The following HEMK2 variants were observed in gnomAD, a reference collection of about 807,000 sequenced individuals.
The protein encoded by HEMK2 is HemK methyltransferase 2, ETF1 glutamine and histone H4 lysine, also known as methyltransferase HEMK2.
chr21:28,601,531 T>C, the HEMK2 span, among the ~76,000 whole-genome samples: 1 of 151,704 alleles, frequency 6.6e-6, no homozygotes, highest in Non-Finnish European at 1.5e-5. Context: ...CTACACCCAC[T>C]TCACCGCCTG....
At chr21:28,793,527 A>C in the HEMK2 span, among the ~76,000 whole-genome samples, 1 of 152,220 alleles carries the variant, frequency 6.6e-6, no homozygotes. Context: ...GATAAAAGTA[A>C]GTGGTTATTA....
chr21:28,609,792 T>A, the HEMK2 span, among the ~76,000 whole-genome samples: 1 of 151,888 alleles, frequency 6.6e-6, no homozygotes, highest in Non-Finnish European at 1.5e-5. Flanking sequence ...AGCAATAGAA[T>A]AGAACAAGGA....
At chr21:28,785,837 C>T in the HEMK2 span, among the ~76,000 whole-genome samples, 18 of 152,324 alleles carry the variant, frequency 1.2e-4, no homozygotes, top group African/African-American at 4.3e-4. Flanking sequence ...CCCGTATACA[C>T]CATATTCCTT....
the HEMK2 span, among the ~76,000 whole-genome samples, chr21:28,733,725 T>C: frequency 6.6e-6 from 1 of 151,566 alleles, no homozygotes; most frequent in Admixed American, 6.6e-5. Flanking sequence ...TGCAAGCCAC[T>C]GGTTTTTTTT....
chr21:28,732,654 G>A, the HEMK2 span, among the ~76,000 whole-genome samples: 4 of 152,184 alleles, frequency 2.6e-5, no homozygotes, highest in Admixed American at 2.6e-4. Context: ...GGGGCCACAG[G>A]TAGGGATGAA....
the HEMK2 span, among the ~76,000 whole-genome samples, chr21:28,841,537 G>A: frequency 7.2e-6 from 1 of 139,366 alleles, no homozygotes; most frequent in South Asian, 2.2e-4. Context: ...TGAGACTGGA[G>A]ACTGTTATTC....
chr21:28,880,076 T>C, the HEMK2 span: 5 of 530,806 alleles, frequency 9.4e-6, no homozygotes, highest in Admixed American at 3.5e-5. Flanking sequence ...GCTACGCTTG[T>C]AGACAGAAAT....
the HEMK2 span, among the ~76,000 whole-genome samples, chr21:28,739,872 G>A: frequency 6.6e-6 from 1 of 152,094 alleles, no homozygotes; most frequent in East Asian, 1.9e-4. Flanking sequence ...CACACCCAAG[G>A]TTTTCCAAAC....
At chr21:28,847,133 T>C in the HEMK2 span, among the ~76,000 whole-genome samples, 1 of 152,202 alleles carries the variant, frequency 6.6e-6, no homozygotes, top group Non-Finnish European at 1.5e-5. Flanking sequence ...ACAATTTATA[T>C]TACTTTAGGT....
chr21:28,880,233 A>C, the HEMK2 span, among the ~76,000 whole-genome samples: 8 of 152,226 alleles, frequency 5.3e-5, no homozygotes, highest in African/African-American at 1.4e-4. Flanking sequence ...AGAAAATGAA[A>C]TAAGAAAGCA....
the HEMK2 span, among the ~76,000 whole-genome samples, chr21:28,607,822 C>T: frequency 0.15 from 23,183 of 151,914 alleles, 2,136 homozygotes; most frequent in Non-Finnish European, 0.2. Context: ...ATTATGGATA[C>T]GAAAAGAGAG....
the HEMK2 span, among the ~76,000 whole-genome samples, chr21:28,601,337 G>A: frequency 2.0e-5 from 3 of 152,054 alleles, no homozygotes; most frequent in African/African-American, 7.2e-5. Context: ...CTCACCCCCT[G>A]TTCCCCAGCC....
At chr21:28,747,878 A>G in the HEMK2 span, among the ~76,000 whole-genome samples, 1 of 152,246 alleles carries the variant, frequency 6.6e-6, no homozygotes, top group South Asian at 2.1e-4. Flanking sequence ...GTAAGAAATT[A>G]AAAGGAACAT....
At chr21:28,788,209 CGTATATATGT>C in the HEMK2 span, among the ~76,000 whole-genome samples, 23 of 144,270 alleles carry the variant, frequency 1.6e-4, no homozygotes, top group African/African-American at 3.3e-4. Context: ...CGTATATATA[CGTATATATGT>C]ATATATACAC....
chr21:28,840,082 T>C, the HEMK2 span, among the ~76,000 whole-genome samples: 4 of 152,164 alleles, frequency 2.6e-5, no homozygotes, highest in African/African-American at 9.7e-5. Context: ...AGCCAAATGA[T>C]CTTTGACAAA....
chr21:28,830,014 A>G, the HEMK2 span, among the ~76,000 whole-genome samples: 1 of 152,170 alleles, frequency 6.6e-6, no homozygotes, highest in East Asian at 1.9e-4. Flanking sequence ...CTCTTCCTAC[A>G]CTAAGATCTT....
the HEMK2 span, among the ~76,000 whole-genome samples, chr21:28,829,899 C>T: frequency 2.2e-4 from 34 of 152,218 alleles, no homozygotes; most frequent in Non-Finnish European, 1.5e-5. Flanking sequence ...ATGTCCTGTT[C>T]ATTTGGAGAA....
chr21:28,788,748 C>A, the HEMK2 span, among the ~76,000 whole-genome samples: 3 of 149,604 alleles, frequency 2.0e-5, no homozygotes, highest in Non-Finnish European at 3.0e-5. Flanking sequence ...CTGGGTTGAA[C>A]AGTATTCATG....
chr21:28,879,826 A>T, the HEMK2 span: 2 of 1,403,450 alleles, frequency 1.4e-6, no homozygotes, highest in Non-Finnish European at 1.9e-6. Flanking sequence ...TTACAAACAA[A>T]ATAATTGAAA....
Sources: allele counts gnomAD v4.1 joint callset (sites outside exome capture counted in the v4.1 genomes callset), GRCh38; gene constraint gnomAD v4.1.1; transcripts MANE v1.5; gene names NCBI Gene and HGNC (gene_info 2026-07-23, HGNC 2026-07-21).